Variants in TOX observed in about 807,000 individuals in gnomAD.
TOX encodes the protein thymocyte selection associated high mobility group box.
A neutral mutation model predicts 53.7 loss-of-function variants in TOX; 11 were observed. The ratio of observed to expected loss-of-function variants is 0.20; its 90% confidence interval spans 0.13 to 0.34. The LOEUF (loss-of-function observed/expected upper bound fraction) is 0.34. TOX is among the 10% of genes least tolerant of loss of function. TOX has a pLI of 1.00. For synonymous variants in TOX, 225 were observed against 245.3 expected, an observed-to-expected ratio of 0.92 and a Z score of 0.77; for missense variants, 570 against 664.6, an observed-to-expected ratio of 0.86 and a Z score of 1.56.
At chr8:58,921,220 T>G (rs1468051903) in intron 3 of TOX, among the ~76,000 whole-genome samples, 2 of 152,244 alleles carry the variant, frequency 1.3e-5, no homozygotes, top group Non-Finnish European at 2.9e-5. Context: ...AAAAGTTGTT[T>G]CTGCTTTAAG....
At chr8:59,067,316 G>A (rs2129422349) in intron 1 of TOX, among the ~76,000 whole-genome samples, 1 of 152,340 alleles carries the variant, frequency 6.6e-6, no homozygotes, top group Admixed American at 6.5e-5. Context: ...CACTTTGGGA[G>A]GTCGAGGAGG....
chr8:58,875,576 A>C (rs1811269384), intron 3 of TOX, among the ~76,000 whole-genome samples: 1 of 152,216 alleles, frequency 6.6e-6, no homozygotes, highest in African/African-American at 2.4e-5. Flanking sequence ...ATAAGTTTAA[A>C]AGGCTATAAT....
At chr8:59,009,317 T>C (rs1813854316) in intron 1 of TOX, among the ~76,000 whole-genome samples, 3 of 151,672 alleles carry the variant, frequency 2.0e-5, no homozygotes, top group African/African-American at 7.3e-5. Context: ...TTTCCTTCTT[T>C]CCTTCTTTCC....
At chr8:58,930,219 A>T (rs560777301) in intron 3 of TOX, among the ~76,000 whole-genome samples, 1 of 152,354 alleles carries the variant, frequency 6.6e-6, no homozygotes, top group Non-Finnish European at 1.5e-5. Flanking sequence ...AAAAAGCAAT[A>T]ATAATCTTGT....
chr8:59,051,619 T>C (rs1803790045), intron 1 of TOX, among the ~76,000 whole-genome samples: 1 of 152,090 alleles, frequency 6.6e-6, no homozygotes, highest in Non-Finnish European at 1.5e-5. Flanking sequence ...TCCTTGTAAA[T>C]ATCCATGTCT....
intron 3 of TOX, among the ~76,000 whole-genome samples, chr8:58,898,766 G>T (rs893596204): frequency 1.3e-5 from 2 of 152,184 alleles, no homozygotes; most frequent in Admixed American, 1.3e-4. Context: ...CGAGGACACT[G>T]ACTAAGATTC....
At chr8:58,937,838 C>A (rs957706869) in intron 3 of TOX, among the ~76,000 whole-genome samples, 1 of 152,104 alleles carries the variant, frequency 6.6e-6, no homozygotes, top group African/African-American at 2.4e-5. Context: ...GAGGCATGAC[C>A]TGAATGCCTT....
intron 1 of TOX, among the ~76,000 whole-genome samples, chr8:58,997,537 A>G (rs1813583626): frequency 6.6e-6 from 1 of 152,132 alleles, no homozygotes. Flanking sequence ...CAGCCTGCCA[A>G]GTGCGCCTGG....
chr8:58,938,610 T>C (rs1436797870), intron 3 of TOX, among the ~76,000 whole-genome samples: 1 of 152,162 alleles, frequency 6.6e-6, no homozygotes, highest in East Asian at 1.9e-4. Context: ...GTTTCTCAAG[T>C]ATGGGATGCT....
At chr8:59,056,552 C>T (rs938075055) in intron 1 of TOX, among the ~76,000 whole-genome samples, 3 of 151,668 alleles carry the variant, frequency 2.0e-5, no homozygotes, top group African/African-American at 7.3e-5. Context: ...ACTAAAATTG[C>T]CAGGTGCTTT....
chr8:58,892,448 C>G (rs987833436), intron 3 of TOX, among the ~76,000 whole-genome samples: 3 of 152,080 alleles, frequency 2.0e-5, no homozygotes, highest in African/African-American at 4.8e-5. Flanking sequence ...AAACATAAAC[C>G]TGAACTGCCC....
At chr8:59,089,418 A>G (rs1177950055) in intron 1 of TOX, among the ~76,000 whole-genome samples, 1 of 152,182 alleles carries the variant, frequency 6.6e-6, no homozygotes, top group African/African-American at 2.4e-5. Flanking sequence ...TGGAAGGTAC[A>G]CTGAGTTAAG....
At chr8:58,912,651 T>A (rs1266827341) in intron 3 of TOX, among the ~76,000 whole-genome samples, 2 of 152,242 alleles carry the variant, frequency 1.3e-5, no homozygotes, top group African/African-American at 4.8e-5. Context: ...ATGATGCTGA[T>A]GCTGCCCCTC....
intron 1 of TOX, among the ~76,000 whole-genome samples, chr8:59,102,070 G>A (rs1804816724): frequency 6.6e-6 from 1 of 152,148 alleles, no homozygotes; most frequent in Admixed American, 6.5e-5. Context: ...ACCCAAGACT[G>A]AGCAAATTTG....
intron 3 of TOX, among the ~76,000 whole-genome samples, chr8:58,911,867 G>A (rs1478636906): frequency 1.3e-5 from 2 of 152,026 alleles, no homozygotes; most frequent in Admixed American, 6.6e-5. Context: ...CATGCCCAGC[G>A]ACTTTTGTAT....
intron 1 of TOX, among the ~76,000 whole-genome samples, chr8:59,085,886 C>T (rs1804497654): frequency 6.6e-6 from 1 of 151,902 alleles, no homozygotes; most frequent in African/African-American, 2.4e-5. Flanking sequence ...ACTTTTGTTC[C>T]TCTGGTTCTC....
chr8:59,109,104 T>G (rs1490629301), intron 1 of TOX, among the ~76,000 whole-genome samples: 1 of 152,228 alleles, frequency 6.6e-6, no homozygotes, highest in East Asian at 1.9e-4. Context: ...CCTTCCCATT[T>G]CCTGATTAGC....
chr8:58,990,958 C>T (rs916551661), intron 1 of TOX, among the ~76,000 whole-genome samples: 6 of 152,332 alleles, frequency 3.9e-5, no homozygotes, highest in Admixed American at 2.0e-4. Flanking sequence ...TTAAATCTAA[C>T]GTGTATTGAG....
intron 1 of TOX, among the ~76,000 whole-genome samples, chr8:59,026,477 A>G (rs893682073): frequency 6.6e-5 from 10 of 152,202 alleles, no homozygotes; most frequent in African/African-American, 2.4e-4. Context: ...CTACACGTGC[A>G]TGTACTTCAC....
Sources: gnomAD v4.1 joint callset for allele counts (sites outside exome capture counted in the v4.1 genomes callset) on GRCh38, gnomAD v4.1.1 for gene constraint, MANE v1.5 for transcripts, NCBI Gene and HGNC (gene_info 2026-07-23, HGNC 2026-07-21) for gene names.